The following SNTB1 variants were observed in gnomAD, a reference collection of about 807,000 sequenced individuals.
SNTB1 encodes the protein beta-1-syntrophin.
In SNTB1, 36 loss-of-function variants were observed where a neutral mutation model predicts 48.9. That is an observed-to-expected ratio of 0.74 (90% CI 0.56 to 0.97). The LOEUF is 0.97. Ranked by LOEUF, SNTB1 falls within the 50% of genes least tolerant of loss-of-function variation. The pLI is 0.00. For synonymous variants in SNTB1, 299 were observed against 294.6 expected (o/e 1.01, Z -0.15); for missense variants, 786 against 703.4 (o/e 1.12, Z -1.33).
chr8:120,616,175 A>G (rs1432863663), intron 3 of SNTB1, among the ~76,000 whole-genome samples: 1 of 152,156 alleles, frequency 6.6e-6, no homozygotes, highest in East Asian at 1.9e-4. Context: ...TTAATAGTAC[A>G]TTTTGGGTAG....
At chr8:120,785,403 G>A (rs1339429123) in intron 1 of SNTB1, among the ~76,000 whole-genome samples, 1 of 152,182 alleles carries the variant, frequency 6.6e-6, no homozygotes, top group East Asian at 1.9e-4. Flanking sequence ...AGAACACTGT[G>A]GGTGTCAGAC....
chr8:120,697,148 G>A (rs979561485), intron 1 of SNTB1, among the ~76,000 whole-genome samples: 1 of 152,214 alleles, frequency 6.6e-6, no homozygotes, highest in African/African-American at 2.4e-5. Context: ...CTGGGAAGAA[G>A]CATGGGGAGT....
chr8:120,616,409 C>T (rs1816714776), intron 3 of SNTB1, among the ~76,000 whole-genome samples: 1 of 150,652 alleles, frequency 6.6e-6, no homozygotes, highest in Non-Finnish European at 1.5e-5. Flanking sequence ...AAGTGATCTT[C>T]CTGCCTCAGC....
chr8:120,692,846 T>C (rs942268698), intron 2 of SNTB1, among the ~76,000 whole-genome samples: 1 of 152,248 alleles, frequency 6.6e-6, no homozygotes, highest in Non-Finnish European at 1.5e-5. Flanking sequence ...TTGCTTATAT[T>C]CATGGAAGGT....
chr8:120,745,564 C>T (rs528126891), intron 1 of SNTB1, among the ~76,000 whole-genome samples: 1 of 152,234 alleles, frequency 6.6e-6, no homozygotes, highest in East Asian at 1.9e-4. Flanking sequence ...TCTTTTTCCA[C>T]CTACTCCTTG....
chr8:120,716,435 T>C (rs1355258916), intron 1 of SNTB1, among the ~76,000 whole-genome samples: 1 of 152,202 alleles, frequency 6.6e-6, no homozygotes. Flanking sequence ...TTAGCCAACA[T>C]TCTAGGCAAA....
intron 3 of SNTB1, among the ~76,000 whole-genome samples, chr8:120,601,198 C>T (rs1816416474): frequency 6.6e-6 from 1 of 151,892 alleles, no homozygotes; most frequent in Non-Finnish European, 1.5e-5. Context: ...ATTTGCTATT[C>T]CTGGAGTCAT....
intron 2 of SNTB1, among the ~76,000 whole-genome samples, chr8:120,689,113 C>T (rs1423337596): frequency 1.3e-5 from 2 of 152,166 alleles, no homozygotes; most frequent in Admixed American, 6.5e-5. Context: ...GATTCAATGC[C>T]TGCTGGGTGA....
intron 1 of SNTB1, among the ~76,000 whole-genome samples, chr8:120,723,267 G>A (rs1426037254): frequency 6.6e-6 from 1 of 152,146 alleles, no homozygotes; most frequent in Non-Finnish European, 1.5e-5. Context: ...TATGAACAAA[G>A]CAGGTTTAAA....
At chr8:120,808,602 T>C (rs1316179337) in intron 1 of SNTB1, among the ~76,000 whole-genome samples, 1 of 152,206 alleles carries the variant, frequency 6.6e-6, no homozygotes, top group Non-Finnish European at 1.5e-5. Flanking sequence ...ATTGTGTTCT[T>C]CCATACAGCA....
chr8:120,800,056 G>T (rs1192874958), intron 1 of SNTB1, among the ~76,000 whole-genome samples: 2 of 151,982 alleles, frequency 1.3e-5, no homozygotes, highest in Non-Finnish European at 2.9e-5. Context: ...CTCAAGTTAT[G>T]ATTTATCTGG....
At chr8:120,626,546 G>A (rs915593106) in intron 3 of SNTB1, among the ~76,000 whole-genome samples, 2 of 152,100 alleles carry the variant, frequency 1.3e-5, no homozygotes, top group African/African-American at 4.8e-5. Context: ...TAGAAGAATT[G>A]AGGATTAAAG....
At chr8:120,751,637 A>G (rs1020236553) in intron 1 of SNTB1, among the ~76,000 whole-genome samples, 10 of 152,232 alleles carry the variant, frequency 6.6e-5, no homozygotes, top group Admixed American at 5.9e-4. Flanking sequence ...CTTCTAATGA[A>G]CTATTATATA....
chr8:120,667,919 G>A (rs1817700656), intron 2 of SNTB1, among the ~76,000 whole-genome samples: 1 of 152,080 alleles, frequency 6.6e-6, no homozygotes, highest in South Asian at 2.1e-4. Context: ...ACATTTTCCA[G>A]TCCCACTGGC....
intron 3 of SNTB1, among the ~76,000 whole-genome samples, chr8:120,623,350 C>A (rs1460813211): frequency 6.6e-6 from 1 of 152,218 alleles, no homozygotes; most frequent in Non-Finnish European, 1.5e-5. Context: ...ATATGCCTGC[C>A]ACCCAGCTAG....
In SNTB1 at chr8:120,619,264, C is replaced by T. The variant is rs541355616; in HGVS notation, c.996+13180G>A. Among the ~76,000 whole-genome samples, 6 of 151,272 alleles carry T rather than the reference C, an allele frequency of 4.0e-5. No homozygotes were observed. In the East Asian group the frequency reaches 1.2e-3, roughly 29 times the overall value. ...TTCATTAAATATGGAGTTACTTCTA[C>T]AAGATTCATAATGGGGTATTGGTGA... is the stretch of plus-strand genomic sequence containing the variant. On this transcript the variant is annotated intron_variant, in intron 3 of 6. Coordinates refer to ENST00000517992, the MANE Select transcript of SNTB1 (RefSeq NM_021021.4).
chr8:120,595,858 C>T (rs1395031389), intron 3 of SNTB1, among the ~76,000 whole-genome samples: 1 of 152,112 alleles, frequency 6.6e-6, no homozygotes, highest in Non-Finnish European at 1.5e-5. Flanking sequence ...GTTGGGATTC[C>T]TCTACTTTCT....
intron 1 of SNTB1, among the ~76,000 whole-genome samples, chr8:120,809,437 G>C (rs1820390432): frequency 6.6e-6 from 1 of 151,772 alleles, no homozygotes; most frequent in South Asian, 2.1e-4. Flanking sequence ...TCACATAACT[G>C]CTTGATTTTT....
intron 4 of SNTB1, among the ~76,000 whole-genome samples, chr8:120,554,411 A>T (rs1018439318): frequency 1.3e-5 from 2 of 152,188 alleles, no homozygotes; most frequent in East Asian, 1.9e-4. Flanking sequence ...TGACATCTAC[A>T]ATAATCATCC....
Sources: allele counts gnomAD v4.1 joint callset (sites outside exome capture counted in the v4.1 genomes callset), GRCh38; gene constraint gnomAD v4.1.1; transcripts MANE v1.5; gene names NCBI Gene and HGNC (gene_info 2026-07-23, HGNC 2026-07-21).